The following CCSER1 variants were observed in gnomAD, a reference collection of about 807,000 sequenced individuals.
CCSER1 encodes coiled-coil serine rich protein 1, also known as serine-rich coiled-coil domain-containing protein 1.
Under a neutral mutation model 82.0 loss-of-function variants are expected in CCSER1, and 41 were observed. That is an observed-to-expected ratio of 0.50 (90% confidence interval 0.39 to 0.65). The LOEUF is 0.65. CCSER1 is among the 30% of genes least tolerant of loss of function. The pLI, the probability that CCSER1 is intolerant of heterozygous loss-of-function variation, is 0.00. For synonymous variants in CCSER1, 414 were observed against 383.9 expected, an observed-to-expected ratio of 1.08 and a Z score of -0.92; for missense variants, 1,119 against 1,064.2, an observed-to-expected ratio of 1.05 and a Z score of -0.72.
intron 10 of CCSER1, among the ~76,000 whole-genome samples, chr4:91,560,738 C>T (rs1560764253): frequency 6.6e-6 from 1 of 151,394 alleles, no homozygotes; most frequent in East Asian, 1.9e-4. Flanking sequence ...ATCTAGCCTA[C>T]TTTTCCTGTG....
chr4:91,066,286 C>G (rs186663242), intron 9 of CCSER1, among the ~76,000 whole-genome samples: 1 of 152,282 alleles, frequency 6.6e-6, no homozygotes, highest in East Asian at 1.9e-4. Context: ...CCAAGCCATT[C>G]TCAGAAAAAG....
At chr4:91,372,841 A>C (rs1750138536) in intron 10 of CCSER1, among the ~76,000 whole-genome samples, 1 of 152,132 alleles carries the variant, frequency 6.6e-6, no homozygotes, top group Non-Finnish European at 1.5e-5. Context: ...CACCACAATC[A>C]TGACTGTGAA....
intron 9 of CCSER1, among the ~76,000 whole-genome samples, chr4:91,044,207 C>T (rs1018980842): frequency 3.3e-5 from 5 of 152,112 alleles, no homozygotes; most frequent in African/African-American, 7.2e-5. Context: ...ATAATGGAGG[C>T]AGAGACTTCT....
intron 10 of CCSER1, among the ~76,000 whole-genome samples, chr4:91,286,213 T>C (rs1743263302): frequency 6.6e-6 from 1 of 151,842 alleles, no homozygotes. Flanking sequence ...GAATCTACAA[T>C]GACAGGATTC....
chr4:90,462,048 CT>C (rs1248582820), intron 4 of CCSER1, among the ~76,000 whole-genome samples: 1 of 150,522 alleles, frequency 6.6e-6, no homozygotes, highest in African/African-American at 2.5e-5. Flanking sequence ...TTATCTGCTT[CT>C]TTTTTTTCAT....
At chr4:90,846,162 G>T (rs1256436020) in intron 8 of CCSER1, among the ~76,000 whole-genome samples, 2 of 152,020 alleles carry the variant, frequency 1.3e-5, no homozygotes, top group African/African-American at 4.8e-5. Context: ...CCAATAAATG[G>T]CAGATTTCTC....
intron 8 of CCSER1, among the ~76,000 whole-genome samples, chr4:90,918,503 G>A (rs1189072792): frequency 6.6e-6 from 1 of 151,774 alleles, no homozygotes; most frequent in Non-Finnish European, 1.5e-5. Context: ...GCTTTGTCTT[G>A]GTTTTGATTT....
intron 4 of CCSER1, among the ~76,000 whole-genome samples, chr4:90,412,683 A>G (rs754135606): frequency 6.6e-5 from 10 of 152,184 alleles, no homozygotes; most frequent in Non-Finnish European, 1.0e-4. Context: ...AGAATTAGAA[A>G]AAGCCTTTGA....
At chr4:90,654,835 A>G (rs925234602) in intron 6 of CCSER1, among the ~76,000 whole-genome samples, 1 of 152,088 alleles carries the variant, frequency 6.6e-6, no homozygotes, top group African/African-American at 2.4e-5. Flanking sequence ...TATAGAAGAG[A>G]TGCTGGCTAT....
chr4:91,251,850 G>A (rs1740283326), intron 10 of CCSER1, among the ~76,000 whole-genome samples: 1 of 152,032 alleles, frequency 6.6e-6, no homozygotes, highest in Admixed American at 6.6e-5. Flanking sequence ...AATATAGTTG[G>A]CGTTGTCACT....
Position 91,429,009 on chromosome 4 carries a change from C to A in CCSER1, c.2218-169563C>A, listed in dbSNP as rs188713916. Among the ~76,000 whole-genome samples, 501 of 152,064 alleles carry A rather than the reference C, an allele frequency of 3.3e-3. 5 individuals are homozygous for A. Among genetic ancestry groups the A allele is most frequent in the African/African-American group, 0.011 (467 of 41,538 alleles). On this transcript the variant is annotated intron_variant, in intron 10 of 10. Coordinates refer to ENST00000509176, the MANE Select transcript of CCSER1 (RefSeq NM_001145065.2). ...AAAGATTAAAGGCAAAAGGATAGTT[C>A]TGAGGGAAACATATTACCCCTCCAA... is the stretch of plus-strand genomic sequence containing the variant.
intron 1 of CCSER1, among the ~76,000 whole-genome samples, chr4:90,271,846 ATATATATATATATATATTTTTTTTTTTT>A (rs1315576194): frequency 0.053 from 1,312 of 24,826 alleles, 78 homozygotes; most frequent in African/African-American, 0.19. Context: ...ATATATATAT[ATATATATATATATATATTTTTTTTTTTT>A]TTTTTTTTTT....
intron 10 of CCSER1, among the ~76,000 whole-genome samples, chr4:91,126,843 C>A (rs911921846): frequency 7.9e-5 from 12 of 151,680 alleles, no homozygotes; most frequent in Admixed American, 5.9e-4. Context: ...CAACAAAAAT[C>A]TATATTAAAA....
At chr4:90,299,591 C>T (rs1024108881) in intron 1 of CCSER1, among the ~76,000 whole-genome samples, 1 of 152,064 alleles carries the variant, frequency 6.6e-6, no homozygotes, top group Non-Finnish European at 1.5e-5. Flanking sequence ...CCTCACTGAC[C>T]TTACTGGCAG....
At chr4:91,159,927 T>C (rs537696676) in intron 10 of CCSER1, among the ~76,000 whole-genome samples, 2 of 152,140 alleles carry the variant, frequency 1.3e-5, no homozygotes, top group Admixed American at 6.5e-5. Flanking sequence ...CTTTAAGTTC[T>C]AGGGTACAAG....
At chr4:91,347,598 T>C (rs1041912576) in intron 10 of CCSER1, among the ~76,000 whole-genome samples, 1 of 151,254 alleles carries the variant, frequency 6.6e-6, no homozygotes, top group African/African-American at 2.4e-5. Flanking sequence ...TTCTTATACA[T>C]GTAGATAGAA....
At chr4:91,039,608 T>G (rs1741747721) in intron 9 of CCSER1, among the ~76,000 whole-genome samples, 1 of 152,148 alleles carries the variant, frequency 6.6e-6, no homozygotes, top group Non-Finnish European at 1.5e-5. Context: ...TTGGCTACTA[T>G]ATTTTAAATG....
rs146874132 is a variant in CCSER1, at chr4:91,180,114, G to T, written c.2217+94120G>T. ...TGCCTGGGTATCACCAGTGGAGCCT[G>T]CAGAACAGCGAATATTGCAGAACAG... On this transcript the variant is annotated intron_variant, in intron 10 of 10. Transcript: ENST00000509176. 4.6e-3 allele frequency among the ~76,000 whole-genome samples: 706 copies of T among 152,302 alleles called. 4 individuals are homozygous for T. The highest frequency in any genetic ancestry group is 8.5e-3 in the Non-Finnish European group (576 of 68,028).
At chr4:90,643,361 T>A (rs1292684810) in intron 6 of CCSER1, among the ~76,000 whole-genome samples, 4 of 152,186 alleles carry the variant, frequency 2.6e-5, no homozygotes, top group African/African-American at 9.7e-5. Context: ...GGGCCTGTCA[T>A]CCTATACTAC....
Sources: allele counts gnomAD v4.1 joint callset (sites outside exome capture counted in the v4.1 genomes callset), GRCh38; gene constraint gnomAD v4.1.1; transcripts MANE v1.5; gene names NCBI Gene and HGNC (gene_info 2026-07-23, HGNC 2026-07-21).